RIT2: variants seen among roughly 807,000 people sequenced by gnomAD.
The protein encoded by RIT2 is Ras like without CAAX 2, also known as GTP-binding protein Rit2.
A neutral mutation model predicts 23.7 loss-of-function variants in RIT2; 24 were observed. The observed-to-expected ratio is 1.01, with a 90% CI of 0.73 to 1.43. The LOEUF (loss-of-function observed/expected upper bound fraction) is 1.43. Ranked by LOEUF, RIT2 falls within the 40% of genes most tolerant of loss-of-function variation. RIT2 has a pLI of 0.00. For missense variants in RIT2, 236 were observed against 266.9 expected, an observed-to-expected ratio of 0.88 and a Z score of 0.81; for synonymous variants, 107 against 91.1, an observed-to-expected ratio of 1.17 and a Z score of -0.99.
chr18:42,781,650 G>A (rs1913814340), intron 4 of RIT2, among the ~76,000 whole-genome samples: 1 of 152,158 alleles, frequency 6.6e-6, no homozygotes, highest in Non-Finnish European at 1.5e-5. Flanking sequence ...TTGATAACGT[G>A]TATTAAAACA....
Position 43,115,534 on chromosome 18 carries a change from C to A in RIT2, c.-15G>T. On this transcript the variant is annotated 5_prime_UTR_variant, in exon 1 of 5. Coordinates refer to ENST00000326695, the MANE Select transcript of RIT2 (RefSeq NM_002930.4). Reference sequence around the variant, plus strand: ...TCTACCTCCATCTTACCCGAGGGACCGGAGGAAAAAAAGAAGGAGAAAGTC... The same window carrying A: ...TCTACCTCCATCTTACCCGAGGGACAGGAGGAAAAAAAGAAGGAGAAAGTC... The A allele has an allele frequency of 6.9e-6, 11 of 1,599,724 alleles. No homozygotes were observed. The highest frequency in any genetic ancestry group is 1.1e-5 in the South Asian group (1 of 88,740).
chr18:42,955,525 C>T (rs1909951089), intron 3 of RIT2, among the ~76,000 whole-genome samples: 1 of 152,246 alleles, frequency 6.6e-6, no homozygotes, highest in Non-Finnish European at 1.5e-5. Flanking sequence ...GGTCCTTCCC[C>T]TTCTGACGTT....
chr18:43,062,558 G>A (rs1047994282), intron 1 of RIT2, among the ~76,000 whole-genome samples: 3 of 152,098 alleles, frequency 2.0e-5, no homozygotes, highest in Non-Finnish European at 4.4e-5. Flanking sequence ...TTCTCAAATT[G>A]CATACATAGC....
At chr18:42,812,128 T>C (rs1318120345) in intron 4 of RIT2, among the ~76,000 whole-genome samples, 2 of 152,292 alleles carry the variant, frequency 1.3e-5, no homozygotes, top group East Asian at 1.9e-4. Context: ...TGACTATTTC[T>C]GGCTCTCTGA....
At chr18:42,957,050 T>C (rs1909988801) in intron 3 of RIT2, among the ~76,000 whole-genome samples, 2 of 152,206 alleles carry the variant, frequency 1.3e-5, no homozygotes, top group South Asian at 4.1e-4. Context: ...AGAACTGACC[T>C]GATTTCATAC....
intron 1 of RIT2, among the ~76,000 whole-genome samples, chr18:43,061,980 G>T (rs1193530042): frequency 6.6e-6 from 1 of 152,064 alleles, no homozygotes; most frequent in Admixed American, 6.6e-5. Context: ...ACCAATAGGA[G>T]AGAAGAAGCT....
intron 2 of RIT2, among the ~76,000 whole-genome samples, chr18:43,026,965 C>A (rs1290824985): frequency 5.9e-5 from 9 of 151,920 alleles, no homozygotes; most frequent in African/African-American, 2.2e-4. Context: ...ACAGGAAGAA[C>A]CAGACAGTGT....
At chr18:42,928,367 A>G (rs1379365648) in intron 3 of RIT2, among the ~76,000 whole-genome samples, 1 of 152,070 alleles carries the variant, frequency 6.6e-6, no homozygotes, top group Non-Finnish European at 1.5e-5. Flanking sequence ...GTGAGGGAAA[A>G]GGATGTGATG....
At chr18:43,015,101 A>C (rs1161357333) in intron 2 of RIT2, among the ~76,000 whole-genome samples, 2 of 151,772 alleles carry the variant, frequency 1.3e-5, no homozygotes, top group African/African-American at 2.4e-5. Flanking sequence ...TAGTATGAGA[A>C]GTACTTATGA....
intron 4 of RIT2, among the ~76,000 whole-genome samples, chr18:42,831,988 T>C (rs1040971198): frequency 1.3e-5 from 2 of 152,186 alleles, no homozygotes; most frequent in Non-Finnish European, 2.9e-5. Context: ...CTTCTGATCC[T>C]ACAAACATCC....
intron 3 of RIT2, among the ~76,000 whole-genome samples, chr18:42,943,168 A>G (rs1169647969): frequency 6.6e-6 from 1 of 152,060 alleles, no homozygotes; most frequent in Non-Finnish European, 1.5e-5. Context: ...GTCCCCGCCC[A>G]TGTTCTGTTT....
At position 42,855,290 on chromosome 18, in the gene RIT2, C is replaced by T. The variant is rs961319438; in HGVS notation, c.426+68282G>A. On this transcript the variant is annotated intron_variant, in intron 4 of 4. Transcript: ENST00000326695. The stretch of plus-strand genomic sequence containing the variant: ...TTTTCATCAGGGAAATACTCTCTAC[C>T]CTTCTAATGATTTTACTTAAGCATT... Among the ~76,000 whole-genome samples, 4 of 151,988 alleles carry T rather than the reference C, an allele frequency of 2.6e-5. No homozygotes were observed. In the East Asian group the frequency reaches 7.7e-4, roughly 29 times the overall value.
chr18:42,923,726 C>T lies in RIT2; in HGVS notation c.272G>A (p.Gly91Asp), dbSNP rs1285624121. 1.2e-6 allele frequency: 2 copies of T among 1,612,724 alleles called. No homozygotes were observed. The highest frequency in any genetic ancestry group is 3.3e-5 in the Admixed American group (2 of 59,882). The change falls in exon 4 of 5, where the codon GGT becomes GAT. Residue 91 changes from glycine (G) to aspartate (D), a missense_variant. Coordinates refer to ENST00000326695, the MANE Select transcript of RIT2 (RefSeq NM_002930.4). ...FTAMREQYMR[G>D]GEGFIICYSV... ...GTAGCAGATGATGAAGCCTTCCCCACCTCGCATGTACTGCTCCCGCATGGC... is the reference window on the plus strand; with the variant it reads ...GTAGCAGATGATGAAGCCTTCCCCATCTCGCATGTACTGCTCCCGCATGGC...
intron 1 of RIT2, among the ~76,000 whole-genome samples, chr18:43,092,898 T>C (rs1372456776): frequency 2.0e-5 from 3 of 152,072 alleles, no homozygotes; most frequent in Admixed American, 2.0e-4. Context: ...TTTCTGTCTT[T>C]TTGTTAGTAA....
intron 1 of RIT2, among the ~76,000 whole-genome samples, chr18:43,050,576 TAC>T (rs1394342896): frequency 1.3e-5 from 2 of 152,090 alleles, no homozygotes; most frequent in Non-Finnish European, 2.9e-5. Context: ...AGTCTTTTGT[TAC>T]AATGTTGGAT....
chr18:42,988,350 AT>A (rs1384651691), intron 2 of RIT2, among the ~76,000 whole-genome samples: 14 of 152,150 alleles, frequency 9.2e-5, no homozygotes, highest in African/African-American at 3.1e-4. Context: ...GATTTGACTA[AT>A]TTTTTTCCAA....
intron 1 of RIT2, among the ~76,000 whole-genome samples, chr18:43,101,470 A>C (rs1424109323): frequency 2.6e-5 from 4 of 152,226 alleles, no homozygotes; most frequent in Admixed American, 2.0e-4. Flanking sequence ...ATTATACTGA[A>C]GCCATGTGAC....
intron 4 of RIT2, among the ~76,000 whole-genome samples, chr18:42,854,914 C>T (rs1907143867): frequency 6.6e-6 from 1 of 152,186 alleles, no homozygotes; most frequent in Non-Finnish European, 1.5e-5. Flanking sequence ...AATCCTACAA[C>T]TACTCTTCTC....
chr18:42,985,221 G>A (rs1355971975), intron 2 of RIT2, among the ~76,000 whole-genome samples: 1 of 152,062 alleles, frequency 6.6e-6, no homozygotes, highest in Non-Finnish European at 1.5e-5. Context: ...CTTGTAAAAT[G>A]TTTGTAAGAC....
Sources: allele counts gnomAD v4.1 joint callset (sites outside exome capture counted in the v4.1 genomes callset), GRCh38; gene constraint gnomAD v4.1.1; transcripts MANE v1.5; gene names NCBI Gene and HGNC (gene_info 2026-07-23, HGNC 2026-07-21).